The following NHS variants were observed in gnomAD, a reference collection of about 807,000 sequenced individuals.
NHS encodes the protein actin remodeling regulator NHS.
Under a neutral mutation model 72.5 loss-of-function variants are expected in NHS, and 5 were observed. The ratio of observed to expected loss-of-function variants is 0.07; its 90% CI spans 0.04 to 0.14. The LOEUF (loss-of-function observed/expected upper bound fraction) is 0.14, where lower values mean the gene tolerates loss of function less well. Among genes scored for constraint, NHS ranks in the 10% least tolerant of loss-of-function variants. NHS has a pLI of 1.00. For missense variants in NHS, 1,072 were observed against 1,355.7 expected (o/e 0.79, Z 3.29); for synonymous variants, 464 against 547.7 (o/e 0.85, Z 2.13).
At chrX:17,384,521 T>C (rs751051651) in intron 1 of NHS, among the ~76,000 whole-genome samples, 2 of 112,472 alleles carry the variant, frequency 1.8e-5, no homozygotes, top group East Asian at 5.6e-4. Context: ...ATCCTTGAGA[T>C]TCTGTTGGAC....
intron 1 of NHS, among the ~76,000 whole-genome samples, chrX:17,457,089 C>G (rs1361580314): frequency 9.0e-6 from 1 of 111,698 alleles, no homozygotes; most frequent in Admixed American, 9.5e-5. Context: ...TTTAACAACC[C>G]CTTTCTGTGT....
intron 1 of NHS, among the ~76,000 whole-genome samples, chrX:17,548,816 A>G (rs1349945715): frequency 9.0e-6 from 1 of 111,596 alleles, no homozygotes; most frequent in Non-Finnish European, 1.9e-5. Context: ...GAGAGAGGAA[A>G]AGGAAGAGGG....
At position 17,727,465 on chromosome X, in the gene NHS, G is replaced by A. The variant is rs768806780; in HGVS notation, c.3359G>A (p.Gly1120Glu). 1 of 1,211,019 alleles carries A rather than the reference G, an allele frequency of 8.3e-7. No homozygotes were observed. Among genetic ancestry groups the A allele is most frequent in the Non-Finnish European group, 1.1e-6 (1 of 895,027 alleles). The stretch of plus-strand genomic sequence containing the variant: ...ACTCATAATAAGCAGAACACAGTAG[G>A]AGAAACACTGAGGTCGAATCCTCCA... ...VFTHNKQNTV[G>E]ETLRSNPPPS... The change falls in exon 7 of 9, where the codon GGA (glycine) becomes GAA (glutamate). Residue 1120 changes from glycine to glutamate, a missense_variant. By Grantham distance (98) the Gly-to-Glu change is moderately conservative. Transcript: ENST00000676302.
intron 1 of NHS, among the ~76,000 whole-genome samples, chrX:17,638,229 G>A (rs998180356): frequency 9.0e-6 from 1 of 111,671 alleles, no homozygotes; most frequent in Non-Finnish European, 1.9e-5. Context: ...GTCATCTTAG[G>A]TCCCTTAGTT....
At chrX:17,660,634 G>T (rs2065977982) in intron 1 of NHS, among the ~76,000 whole-genome samples, 1 of 112,213 alleles carries the variant, frequency 8.9e-6, no homozygotes, top group African/African-American at 3.2e-5. Flanking sequence ...TCTCCACATA[G>T]TCTTTCCCAG....
chrX:17,419,363 A>G (rs907911070), intron 1 of NHS, among the ~76,000 whole-genome samples: 4 of 112,423 alleles, frequency 3.6e-5, no homozygotes, highest in Non-Finnish European at 7.5e-5. Flanking sequence ...ATAAACTTCT[A>G]CCGTCTAGTG....
In NHS at chrX:17,520,980, A is replaced by G. The variant is rs776492722; in HGVS notation, c.565+144658A>G. Among the ~76,000 whole-genome samples the G allele has an allele frequency of 2.7e-5, 3 of 111,415 alleles. No individual in the cohort carries two copies. The Admixed American group carries it at 2.9e-4, about 11-fold the overall frequency. ...CTGAGTCAGAATCTGCATTTCAGCCAGGGCCCAGGATGGCTGGCTCGCACG... is the reference window on the plus strand; with the variant it reads ...CTGAGTCAGAATCTGCATTTCAGCCGGGGCCCAGGATGGCTGGCTCGCACG... On this transcript the variant is annotated intron_variant, in intron 1 of 8. Coordinates refer to ENST00000676302, the MANE Select transcript of NHS (RefSeq NM_001291867.2).
intron 1 of NHS, among the ~76,000 whole-genome samples, chrX:17,379,134 C>T (rs1025422213): frequency 1.8e-5 from 2 of 109,549 alleles, no homozygotes; most frequent in Admixed American, 2.0e-4. Context: ...GATCCTCATT[C>T]CCCTGCGTAA....
intron 1 of NHS, among the ~76,000 whole-genome samples, chrX:17,462,442 T>C (rs751431130): frequency 1.8e-5 from 2 of 111,578 alleles, no homozygotes; most frequent in South Asian, 7.6e-4. Context: ...TCCTGCCCAT[T>C]ATGAGCTTAT....
chrX:17,432,631 G>A (rs1051480759), intron 1 of NHS, among the ~76,000 whole-genome samples: 6 of 112,250 alleles, frequency 5.3e-5, no homozygotes, highest in African/African-American at 1.9e-4. Context: ...AATAGTGCCT[G>A]GGTCAATTGT....
chrX:17,726,556 C>T lies in NHS; in HGVS notation c.2450C>T (p.Ala817Val). The change falls in exon 7 of 9, where the codon GCT (alanine) becomes GTT (valine). Residue 817 changes from alanine (A) to valine (V), a missense_variant. Transcript: ENST00000676302. ...LGPENGQGVG[A>V]SPGLPDCAWQ... Reference sequence around the variant, plus strand: ...CCAGAGAATGGCCAGGGTGTAGGGGCTTCCCCTGGTCTTCCAGATTGTGCC... The same window carrying T: ...CCAGAGAATGGCCAGGGTGTAGGGGTTTCCCCTGGTCTTCCAGATTGTGCC... The T allele has an allele frequency of 8.3e-7, 1 of 1,211,875 alleles. No individual in the cohort carries two copies. The highest frequency in any genetic ancestry group is 1.7e-5 in the African/African-American group (1 of 57,821).
chrX:17,446,005 G>A (rs2064777953), intron 1 of NHS, among the ~76,000 whole-genome samples: 1 of 110,136 alleles, frequency 9.1e-6, no homozygotes, highest in African/African-American at 3.3e-5. Flanking sequence ...TCTCATATTT[G>A]GACCTTATGT....
chrX:17,549,998 G>C, intron 1 of NHS, among the ~76,000 whole-genome samples: 1 of 111,613 alleles, frequency 9.0e-6, no homozygotes, highest in Non-Finnish European at 1.9e-5. Flanking sequence ...TTCAAATGCA[G>C]GGCATTTAAA....
chrX:17,456,039 G>A (rs190852279), intron 1 of NHS, among the ~76,000 whole-genome samples: 97 of 111,998 alleles, frequency 8.7e-4, no homozygotes, highest in African/African-American at 3.0e-3. Context: ...GCTGTGAGGT[G>A]CATTTTATTA....
chrX:17,724,328 C>T lies in NHS; in HGVS notation c.1138C>T (p.Arg380Cys). 2 of 1,211,489 alleles carry T rather than the reference C, an allele frequency of 1.7e-6. No homozygotes were observed. Among genetic ancestry groups the T allele is most frequent in the East Asian group, 3.0e-5 (1 of 33,836 alleles). ...TGGCTTTGACAGAGAGGCTAGTATA[C>T]GCTGCTCTCTGGTTCATTCACAATC... The part of the protein sequence containing the change: ...GVGFDREASI[R>C]CSLVHSQSVL... Residue 380 changes from arginine (R) to cysteine (C), a missense_variant, in exon 6 of 9, where the codon CGC (arginine) becomes TGC (cysteine). Transcript: ENST00000676302.
At chrX:17,471,349 G>T (rs1309728075) in intron 1 of NHS, among the ~76,000 whole-genome samples, 1 of 112,447 alleles carries the variant, frequency 8.9e-6, no homozygotes, top group Non-Finnish European at 1.9e-5. Context: ...GACTAGGTTA[G>T]ACCTTTGAGC....
At chrX:17,507,358 G>A (rs1325188265) in intron 1 of NHS, among the ~76,000 whole-genome samples, 1 of 111,826 alleles carries the variant, frequency 8.9e-6, no homozygotes, top group Non-Finnish European at 1.9e-5. Flanking sequence ...GGGTGCTCCT[G>A]TGAACTTGTC....
chrX:17,438,363 T>C (rs766211209), intron 1 of NHS, among the ~76,000 whole-genome samples: 7 of 112,164 alleles, frequency 6.2e-5, no homozygotes, highest in Non-Finnish European at 1.1e-4. Flanking sequence ...ATACCTACTG[T>C]AGAAAAAATA....
intron 1 of NHS, among the ~76,000 whole-genome samples, chrX:17,405,553 A>C (rs776684525): frequency 1.8e-5 from 2 of 112,349 alleles, no homozygotes; most frequent in Non-Finnish European, 3.8e-5. Context: ...TAGAGAGAAG[A>C]GTAGTGCTGC....
Sources: allele counts gnomAD v4.1 joint callset (sites outside exome capture counted in the v4.1 genomes callset), GRCh38; gene constraint gnomAD v4.1.1; transcripts MANE v1.5; gene names NCBI Gene and HGNC (gene_info 2026-07-23, HGNC 2026-07-21).